Variants in CFAP410 observed in about 807,000 individuals in gnomAD.
CFAP410 encodes the protein cilia- and flagella-associated protein 410.
A neutral mutation model predicts 25.7 loss-of-function variants in CFAP410; 27 were observed. The observed-to-expected ratio is 1.05, with a 90% CI of 0.77 to 1.45. The LOEUF (loss-of-function observed/expected upper bound fraction) is 1.45, where lower values mean the gene tolerates loss of function less well. CFAP410 is among the 40% of genes most tolerant of loss of function. CFAP410 has a pLI of 0.00. For missense variants in CFAP410, 428 were observed against 354.1 expected, an observed-to-expected ratio of 1.21 and a Z score of -1.67; for synonymous variants, 178 against 158.4, an observed-to-expected ratio of 1.12 and a Z score of -0.93.
At position 44,331,873 on chromosome 21, in the gene CFAP410, C is replaced by T. The variant is rs755005560; in HGVS notation, c.515G>A (p.Arg172Gln). Reference protein sequence around the residue: ...SSLSSAAETGRDPLDSEEEAT... With the variant: ...SSLSSAAETGQDPLDSEEEAT... Reference sequence around the variant, plus strand: ...CTCCTCCTCGCTGTCCAGCGGGTCCCGGCCAGTCTCAGCAGCGGAGCTGAG... The same window carrying T: ...CTCCTCCTCGCTGTCCAGCGGGTCCTGGCCAGTCTCAGCAGCGGAGCTGAG... The change falls in exon 5 of 7, where the codon CGG becomes CAG. Residue 172 changes from arginine to glutamine, a missense_variant. Physicochemically the swap from Arg to Gln is conservative, Grantham distance 43. Transcript: ENST00000339818. 3.2e-5 allele frequency: 51 copies of T among 1,612,144 alleles called. No homozygotes were observed. The highest frequency in any genetic ancestry group is 1.8e-4 in the East Asian group (8 of 44,848).
At position 44,331,810 on chromosome 21, in the gene CFAP410, G is replaced by A. The variant is rs1019407093; in HGVS notation, c.545+33C>T. The stretch of plus-strand genomic sequence containing the variant: ...GGGAGGACCCTGGGGGACAGGGATG[G>A]GCTGCGGAGTCCCCGCTGCCCTCCA... On this transcript the variant is annotated intron_variant, in intron 5 of 6. Coordinates refer to ENST00000339818, the MANE Select transcript of CFAP410 (RefSeq NM_004928.3). The A allele has an allele frequency of 2.5e-6, 4 of 1,599,080 alleles. No homozygotes were observed. The African/African-American group carries it at 5.4e-5, about 21-fold the overall frequency.
rs572283576 is a variant in CFAP410 at position 44,328,981 on chromosome 21, C to A, written c.*1217G>T. 1 of 152,440 alleles carries A rather than the reference C, an allele frequency of 6.6e-6. No individual in the cohort carries two copies. Among genetic ancestry groups the A allele is most frequent in the Non-Finnish European group, 1.5e-5 (1 of 68,226 alleles). 9.4% of individuals were successfully genotyped at this position (152,440 alleles called of 1,614,324 possible). A position where few individuals can be genotyped will look rare whatever the true frequency, so the allele number is the denominator to read the frequency against. ...AAGCGCTTTACTGAGGGCACCCACTCCACAGTCCCAAGGAGGCAGACACAG... is the reference window on the plus strand; with the variant it reads ...AAGCGCTTTACTGAGGGCACCCACTACACAGTCCCAAGGAGGCAGACACAG... On this transcript the variant is annotated 3_prime_UTR_variant, in exon 7 of 7. Transcript: ENST00000339818.
intron 3 of CFAP410, chr21:44,333,496 C>G (rs1418507115): frequency 6.8e-6 from 4 of 585,858 alleles, no homozygotes; most frequent in Non-Finnish European, 1.2e-5. Context: ...CCAGCAACAG[C>G]CCCTTGGCCC....
intron 6 of CFAP410, 147 bp from the exon 7 acceptor site, chr21:44,330,473 G>T: frequency 6.5e-7 from 1 of 1,532,958 alleles, no homozygotes; most frequent in Non-Finnish European, 8.8e-7. Flanking sequence ...CGGCACACTC[G>T]GAGAATCTGA....
rs185842266 is a variant in CFAP410, at chr21:44,330,229, C to G, written c.740G>C (p.Arg247Pro). The G allele has an allele frequency of 1.9e-6, 3 of 1,585,252 alleles. No individual in the cohort carries two copies. The highest frequency in any genetic ancestry group is 8.6e-7 in the Non-Finnish European group (1 of 1,168,488). ...GGCGTGCTCCTGCACCTCTTCCCCA[C>G]GCAGGGCCTGCAGCCGGCTGCCCAC... ...QTVGSRLQALRGEEVQEHAE is the reference protein window; with the variant it reads ...QTVGSRLQALPGEEVQEHAE Residue 247 changes from arginine to proline, a missense_variant, in exon 7 of 7, where the codon CGT becomes CCT. Arg to Pro is a moderately radical substitution (Grantham distance 103). Transcript: ENST00000339818.
intron 3 of CFAP410, chr21:44,334,486 AC>A (rs1214512571): frequency 2.8e-5 from 4 of 143,768 alleles, no homozygotes; most frequent in South Asian, 5.6e-5. Flanking sequence ...AGGCACGCGC[AC>A]CCCCCCTCAA....
At chr21:44,331,037 G>C in intron 5 of CFAP410, 118 bp from the exon 6 acceptor site, 1 of 907,106 alleles carries the variant, frequency 1.1e-6, no homozygotes, top group South Asian at 1.8e-5. Flanking sequence ...AATCCCACCT[G>C]GCACACGGGG....
intron 4 of CFAP410, chr21:44,332,819 G>C (rs2047676548): frequency 5.2e-6 from 3 of 581,572 alleles, no homozygotes; most frequent in Non-Finnish European, 9.3e-6. Flanking sequence ...GTCAGTCCCA[G>C]GAGGGACCCT....
intron 2 of CFAP410, 118 bp from the exon 3 acceptor site, chr21:44,335,922 C>T (rs1442240192): frequency 1.3e-6 from 1 of 761,664 alleles, no homozygotes; most frequent in Non-Finnish European, 2.3e-6. Context: ...GCCTGAGGGG[C>T]ACGGCCTTAC....
intron 6 of CFAP410, 81 bp from the exon 7 acceptor site, chr21:44,330,407 G>A (rs1429834777): frequency 4.5e-6 from 7 of 1,567,350 alleles, no homozygotes; most frequent in East Asian, 4.5e-5. Flanking sequence ...CCTGGCCAGC[G>A]GTGCCCCACC....
rs1489058798 is a variant in CFAP410, at chr21:44,331,947, T to C, written c.441A>G (p.Arg147=). 3.1e-6 allele frequency: 5 copies of C among 1,613,368 alleles called. No homozygotes were observed. Among genetic ancestry groups the C allele is most frequent in the Middle Eastern group, 1.6e-4 (1 of 6,078 alleles). The change falls in exon 5 of 7, where the codon AGA becomes AGG. Residue 147 remains arginine (R), a synonymous_variant. Transcript: ENST00000339818. ...TGGGGCCGCCGTGGCCTGTGCCCTC[T>C]CTCTCTGGGGCCGCAGTGATCTCCT... ...EGEEITAAPE[R]EGTGHGGPKL... is the part of the protein sequence containing the mutation.
chr21:44,331,916 A>G lies in CFAP410; in HGVS notation c.472T>C (p.Cys158Arg). 9 of 1,613,370 alleles carry G rather than the reference A, an allele frequency of 5.6e-6. No individual in the cohort carries two copies. The highest frequency in any genetic ancestry group is 1.3e-5 in the African/African-American group (1 of 75,038). Residue 158 changes from cysteine to arginine, a missense_variant, in exon 5 of 7, where the codon TGC (cysteine) becomes CGC (arginine). Coordinates refer to ENST00000339818, the MANE Select transcript of CFAP410 (RefSeq NM_004928.3). ...GAGCTGAGGGAGCTCAGTGTGCAGCATAGCTTGGGGCCGCCGTGGCCTGTG... is the reference window on the plus strand; with the variant it reads ...GAGCTGAGGGAGCTCAGTGTGCAGCGTAGCTTGGGGCCGCCGTGGCCTGTG... The part of the protein sequence containing the change: ...EGTGHGGPKL[C>R]CTLSSLSSAA...
At chr21:44,332,346 A>G (rs542785406) in intron 4 of CFAP410, 6 of 269,416 alleles carry the variant, frequency 2.2e-5, no homozygotes, top group Admixed American at 1.1e-4. Context: ...TTTCTCTCAT[A>G]TATCAATTTC....
chr21:44,331,115 C>G (rs1047804827), intron 5 of CFAP410, 196 bp from the exon 6 acceptor site: 1 of 601,876 alleles, frequency 1.7e-6, no homozygotes, highest in African/African-American at 1.9e-5. Flanking sequence ...GAGCCCGGCA[C>G]TTACTTCACC....
At chr21:44,338,433 T>C in intron 1 of CFAP410, 3 of 620,456 alleles carry the variant, frequency 4.8e-6, no homozygotes, top group Non-Finnish European at 7.8e-6. Flanking sequence ...GACTCAGCAT[T>C]ACCTGCCTTT....
At chr21:44,330,609 G>A (rs969262572) in intron 6 of CFAP410, 1 of 1,549,484 alleles carries the variant, frequency 6.5e-7, no homozygotes, top group Non-Finnish European at 8.7e-7. Flanking sequence ...TGAGGGGCCA[G>A]GACGGCTCCG....
Position 44,332,031 on chromosome 21 carries a change from A to C in CFAP410, c.374-17T>G. ...CCGTCACAGCTTTGGGATGAAAGAC[A>C]GAAGACAGCATGAGTGGCCTCACCC... On this transcript the variant is annotated splice_polypyrimidine_tract_variant and intron_variant, in intron 4 of 6. Coordinates refer to ENST00000339818, the MANE Select transcript of CFAP410 (RefSeq NM_004928.3). The C allele has an allele frequency of 6.3e-7, 1 of 1,585,462 alleles. No individual in the cohort carries two copies. The highest frequency in any genetic ancestry group is 8.6e-7 in the Non-Finnish European group (1 of 1,163,512).
At chr21:44,331,802 C>T (rs186540315) in intron 5 of CFAP410, 41 bp downstream of exon 5, 1 of 1,589,368 alleles carries the variant, frequency 6.3e-7, no homozygotes, top group East Asian at 2.3e-5. Flanking sequence ...CCCTGGGGGA[C>T]AGGGATGGGC....
At chr21:44,332,855 C>T (rs951552423) in intron 4 of CFAP410, 178 bp downstream of exon 4, 13 of 606,866 alleles carry the variant, frequency 2.1e-5, no homozygotes, top group African/African-American at 9.3e-5. Flanking sequence ...ATTCGGGTGG[C>T]GGGATCAAGA....
Sources: allele counts gnomAD v4.1 joint callset, GRCh38; gene constraint gnomAD v4.1.1; transcripts MANE v1.5; gene names NCBI Gene and HGNC (gene_info 2026-07-23, HGNC 2026-07-21).